Variants in GALNT11 observed in about 807,000 individuals in gnomAD.
The protein encoded by GALNT11 is polypeptide N-acetylgalactosaminyltransferase 11.
GALNT11 carries 47 observed loss-of-function variants against 72.7 expected under a neutral mutation model. The ratio of observed to expected loss-of-function variants is 0.65; its 90% CI spans 0.51 to 0.82. The LOEUF (loss-of-function observed/expected upper bound fraction) is 0.82, where lower values mean the gene tolerates loss of function less well. Ranked by LOEUF, GALNT11 falls within the 40% of genes least tolerant of loss-of-function variation. The probability of loss-of-function intolerance (pLI) is 0.00; values close to 1 mark genes in which losing one functional copy is unlikely to be tolerated. For missense variants in GALNT11, 677 were observed against 778.4 expected, an observed-to-expected ratio of 0.87 and a Z score of 1.55; for synonymous variants, 270 against 286.6, an observed-to-expected ratio of 0.94 and a Z score of 0.58.
Position 152,067,837 on chromosome 7 carries a change from G to A in GALNT11, c.-38-26353G>A, listed in dbSNP as rs183242708. Among the ~76,000 whole-genome samples the A allele has an allele frequency of 4.6e-5, 7 of 152,216 alleles. No homozygotes were observed. In the East Asian group the frequency reaches 1.2e-3, roughly 25 times the overall value. Reference sequence around the variant, plus strand: ...TGGCTCAGGGTTCTGCAGGCTTTACGGGAAGCATGGTGCTGGCATCTGCTT... The same window carrying A: ...TGGCTCAGGGTTCTGCAGGCTTTACAGGAAGCATGGTGCTGGCATCTGCTT... On this transcript the variant is annotated intron_variant, in intron 1 of 11. Transcript: ENST00000430044.
At chr7:152,066,923 C>T (rs1361926920) in intron 1 of GALNT11, among the ~76,000 whole-genome samples, 2 of 152,092 alleles carry the variant, frequency 1.3e-5, no homozygotes, top group Non-Finnish European at 2.9e-5. Flanking sequence ...TGAGTATTCG[C>T]AAAACGTAAC....
At chr7:152,068,729 T>C (rs778530366) in intron 1 of GALNT11, among the ~76,000 whole-genome samples, 23 of 152,136 alleles carry the variant, frequency 1.5e-4, no homozygotes, top group Admixed American at 3.9e-4. Context: ...TTGATCTTTT[T>C]AAAGAACCAG....
At chr7:152,038,856 G>C (rs1463547989) in intron 1 of GALNT11, among the ~76,000 whole-genome samples, 1 of 152,264 alleles carries the variant, frequency 6.6e-6, no homozygotes, top group South Asian at 2.1e-4. Context: ...GTCAAGTGTG[G>C]CTGTGATGCT....
At chr7:152,061,775 A>G (rs559865369) in intron 1 of GALNT11, among the ~76,000 whole-genome samples, 152 of 152,344 alleles carry the variant, frequency 1.0e-3, no homozygotes, top group African/African-American at 3.4e-3. Flanking sequence ...GTCAAAGATC[A>G]GATGGTTATA....
At chr7:152,102,380 A>G (rs1002550976) in intron 3 of GALNT11, among the ~76,000 whole-genome samples, 7 of 151,964 alleles carry the variant, frequency 4.6e-5, no homozygotes, top group Non-Finnish European at 1.5e-5. Flanking sequence ...TGTCTCTACT[A>G]AAAATACAAA....
At chr7:152,038,738 A>G (rs1222801805) in intron 1 of GALNT11, among the ~76,000 whole-genome samples, 4 of 152,236 alleles carry the variant, frequency 2.6e-5, no homozygotes, top group African/African-American at 9.6e-5. Flanking sequence ...TAAAAGGACG[A>G]TCATTGTTGA....
At chr7:152,034,102 C>A (rs961973768) in intron 1 of GALNT11, among the ~76,000 whole-genome samples, 2 of 152,158 alleles carry the variant, frequency 1.3e-5, no homozygotes, top group African/African-American at 4.8e-5. Flanking sequence ...CCTCTCCCTA[C>A]AACTTGAAGG....
At chr7:152,047,895 C>G (rs1023331651) in intron 1 of GALNT11, among the ~76,000 whole-genome samples, 1 of 151,838 alleles carries the variant, frequency 6.6e-6, no homozygotes, top group African/African-American at 2.4e-5. Context: ...TATTTTTGAT[C>G]AGTTCGTCTT....
In GALNT11 at chr7:152,110,577, C is replaced by T. The variant is rs751644199; in HGVS notation, c.1012C>T (p.His338Tyr). ...GTTTGCCATGAACAGACAGTATTTCCATGAACTTGGACAGTATGATAGTGG... is the reference window on the plus strand; with the variant it reads ...GTTTGCCATGAACAGACAGTATTTCTATGAACTTGGACAGTATGATAGTGG... ...GLFAMNRQYF[H>Y]ELGQYDSGMD... Residue 338 changes from histidine (H) to tyrosine (Y), a missense_variant, in exon 7 of 12, where the codon CAT (histidine) becomes TAT (tyrosine). His to Tyr is a moderately conservative substitution (Grantham distance 83, BLOSUM62 2). Transcript: ENST00000430044. 1 of 1,613,298 alleles carries T rather than the reference C, an allele frequency of 6.2e-7. No homozygotes were observed. Among genetic ancestry groups the T allele is most frequent in the Non-Finnish European group, 8.5e-7 (1 of 1,179,864 alleles).
chr7:152,046,094 G>A (rs1273907508), intron 1 of GALNT11, among the ~76,000 whole-genome samples: 1 of 152,094 alleles, frequency 6.6e-6, no homozygotes. Context: ...TGTTTGTATA[G>A]TTTCCCAAAT....
At chr7:152,031,792 C>T (rs995368435) in intron 1 of GALNT11, among the ~76,000 whole-genome samples, 1 of 152,298 alleles carries the variant, frequency 6.6e-6, no homozygotes, top group Admixed American at 6.5e-5. Flanking sequence ...AAGGCTGTTT[C>T]TGCCTCTGGT....
chr7:152,070,818 C>T (rs1437990058), intron 1 of GALNT11, among the ~76,000 whole-genome samples: 7 of 152,124 alleles, frequency 4.6e-5, no homozygotes, highest in Non-Finnish European at 7.4e-5. Flanking sequence ...TTCTATTTTC[C>T]TTAAGCGTAG....
chr7:152,031,829 C>T (rs1302573652), intron 1 of GALNT11, among the ~76,000 whole-genome samples: 1 of 152,118 alleles, frequency 6.6e-6, no homozygotes, highest in Non-Finnish European at 1.5e-5. Flanking sequence ...GAGTATTTGC[C>T]CTCTGGGTCT....
At chr7:152,109,081 G>A (rs1398484917) in intron 6 of GALNT11, among the ~76,000 whole-genome samples, 1 of 152,118 alleles carries the variant, frequency 6.6e-6, no homozygotes, top group Non-Finnish European at 1.5e-5. Context: ...CATTTCTTAC[G>A]TAGCAGTATT....
chr7:152,050,914 G>A (rs773165655), intron 1 of GALNT11, among the ~76,000 whole-genome samples: 9 of 152,062 alleles, frequency 5.9e-5, no homozygotes, highest in Non-Finnish European at 8.8e-5. Context: ...ACTGAGTTCC[G>A]ATGTGAAAGC....
intron 5 of GALNT11, among the ~76,000 whole-genome samples, chr7:152,105,805 A>G (rs538462021): frequency 6.6e-6 from 1 of 152,368 alleles, no homozygotes; most frequent in East Asian, 1.9e-4. Context: ...GCCACACATC[A>G]TGACTTTAAT....
At position 152,120,854 on chromosome 7, in the gene GALNT11, T is replaced by G; in HGVS notation, c.1581T>G (p.His527Gln). The G allele has an allele frequency of 6.2e-7, 1 of 1,608,802 alleles. No homozygotes were observed. The highest frequency in any genetic ancestry group is 8.5e-7 in the Non-Finnish European group (1 of 1,175,528). The stretch of plus-strand genomic sequence containing the variant: ...AGATCTGGATCTATAATGAAGAGCA[T>G]GAATTGGTTTTAAATAGTCTCCTTT... ...PNQIWIYNEE[H>Q]ELVLNSLLCL... The change falls in exon 11 of 12, where the codon CAT becomes CAG. Residue 527 changes from histidine to glutamine, a missense_variant. Physicochemically the swap from His to Gln is conservative, Grantham distance 24. Transcript: ENST00000430044.
chr7:152,043,331 C>T (rs777801978), intron 1 of GALNT11, among the ~76,000 whole-genome samples: 2 of 152,210 alleles, frequency 1.3e-5, no homozygotes, highest in Non-Finnish European at 2.9e-5. Context: ...GGGGATTCCC[C>T]AGGCAGAAGG....
chr7:152,118,914 T>C (rs1563085190), intron 10 of GALNT11, 132 bp downstream of exon 10: 2 of 617,758 alleles, frequency 3.2e-6, no homozygotes, highest in Non-Finnish European at 5.3e-6. Flanking sequence ...CTGTGTAGTG[T>C]TGCGTTATTG....
Sources: gnomAD v4.1 joint callset for allele counts (sites outside exome capture counted in the v4.1 genomes callset) on GRCh38, gnomAD v4.1.1 for gene constraint, MANE v1.5 for transcripts, NCBI Gene and HGNC (gene_info 2026-07-23, HGNC 2026-07-21) for gene names.